Variants in PCDH15 observed in about 807,000 individuals in gnomAD.
PCDH15 encodes protocadherin related 15, also known as protocadherin-15.
PCDH15 carries 129 observed loss-of-function variants against 178.5 expected under a neutral mutation model. The observed-to-expected ratio is 0.72, with a 90% confidence interval of 0.63 to 0.84. The LOEUF is 0.84. PCDH15 is among the 40% of genes least tolerant of loss of function. The pLI, the probability that PCDH15 is intolerant of heterozygous loss-of-function variation, is 0.00. For synonymous variants in PCDH15, 800 were observed against 732.0 expected (o/e 1.09, Z -1.50); for missense variants, 2,230 against 2,099.9 (o/e 1.06, Z -1.21).
chr10:55,168,199 T>C (rs1839244299), intron 1 of PCDH15, among the ~76,000 whole-genome samples: 1 of 152,114 alleles, frequency 6.6e-6, no homozygotes, highest in African/African-American at 2.4e-5. Context: ...TGAGGTGTGA[T>C]GGGATCTTCT....
At chr10:55,055,446 G>A (rs770405769) in intron 2 of PCDH15, among the ~76,000 whole-genome samples, 26 of 152,144 alleles carry the variant, frequency 1.7e-4, no homozygotes, top group Admixed American at 2.6e-4. Flanking sequence ...ACTAGCCTTC[G>A]TATATATCCA....
chr10:55,198,531 A>G (rs113670654), intron 1 of PCDH15, among the ~76,000 whole-genome samples: 19,197 of 152,046 alleles, frequency 0.13, 1,527 homozygotes, highest in Non-Finnish European at 0.17. Context: ...CTGTCGCCCA[A>G]GCTGGAGAGC....
intron 2 of PCDH15, among the ~76,000 whole-genome samples, chr10:55,434,647 C>T (rs367954724): frequency 4.9e-4 from 74 of 151,634 alleles, no homozygotes; most frequent in African/African-American, 1.7e-3. Context: ...GCTCTGTTGC[C>T]CAGGCTGGAG....
chr10:54,061,769 G>T (rs2094018850), intron 18 of PCDH15, among the ~76,000 whole-genome samples: 1 of 151,236 alleles, frequency 6.6e-6, no homozygotes, highest in South Asian at 2.1e-4. Flanking sequence ...AAATGCACAA[G>T]GTATAATATG....
chr10:54,294,195 A>T (rs1201965767), intron 8 of PCDH15, among the ~76,000 whole-genome samples: 1 of 152,094 alleles, frequency 6.6e-6, no homozygotes, highest in African/African-American at 2.4e-5. Context: ...GGAAACCATT[A>T]TTCTCAGCAA....
chr10:54,518,677 T>G (rs566889690), intron 3 of PCDH15, among the ~76,000 whole-genome samples: 1 of 152,058 alleles, frequency 6.6e-6, no homozygotes, highest in African/African-American at 2.4e-5. Context: ...TTCCAATCAA[T>G]AGAAAAAGAG....
chr10:55,142,364 T>C (rs918882200), intron 2 of PCDH15, among the ~76,000 whole-genome samples: 6 of 151,996 alleles, frequency 3.9e-5, no homozygotes, highest in African/African-American at 1.4e-4. Flanking sequence ...GTTAACTTTA[T>C]CAAATATAGA....
At chr10:55,568,173 T>C (rs1269531650) in intron 2 of PCDH15, among the ~76,000 whole-genome samples, 1 of 151,828 alleles carries the variant, frequency 6.6e-6, no homozygotes, top group Non-Finnish European at 1.5e-5. Context: ...CTATCAAGAG[T>C]AGAACGGATA....
intron 1 of PCDH15, among the ~76,000 whole-genome samples, chr10:55,173,540 G>A (rs986920030): frequency 6.6e-6 from 1 of 151,908 alleles, no homozygotes; most frequent in Non-Finnish European, 1.5e-5. Context: ...ACATACATGT[G>A]TGGTTGAAAG....
chr10:54,858,197 A>C (rs7474541), intron 3 of PCDH15, among the ~76,000 whole-genome samples: 30,833 of 152,148 alleles, frequency 0.2, 3,241 homozygotes, highest in Non-Finnish European at 0.22. Context: ...TTTCACTAAG[A>C]ATAAAGACCT....
intron 1 of PCDH15, among the ~76,000 whole-genome samples, chr10:54,723,692 C>T (rs1371161530): frequency 6.7e-6 from 1 of 149,144 alleles, no homozygotes. Flanking sequence ...ACTCGAACAA[C>T]TCAACAAGAA....
intron 2 of PCDH15, among the ~76,000 whole-genome samples, chr10:55,091,910 G>A (rs892243931): frequency 4.6e-5 from 7 of 151,482 alleles, no homozygotes; most frequent in Non-Finnish European, 8.9e-5. Context: ...CTTACCACTA[G>A]GGGTCGGTGT....
At chr10:54,054,908 A>G (rs2093852927) in intron 18 of PCDH15, among the ~76,000 whole-genome samples, 1 of 152,138 alleles carries the variant, frequency 6.6e-6, no homozygotes, top group Admixed American at 6.5e-5. Flanking sequence ...CTTGCAGCCC[A>G]CTTAAAAAAG....
rs1270015847 is a variant in PCDH15, at chr10:53,866,870, G to A, written c.3502-13C>T. Reference sequence around the variant, plus strand: ...CTTTATCAGTAGCCTAGACGGAGGGGAAAAAAAAAGAGATTATAATTAAGC... The same window carrying A: ...CTTTATCAGTAGCCTAGACGGAGGGAAAAAAAAAAGAGATTATAATTAAGC... On this transcript the variant is annotated splice_polypyrimidine_tract_variant and intron_variant, in intron 26 of 37. Coordinates refer to ENST00000644397, the MANE Select transcript of PCDH15 (RefSeq NM_001384140.1). 14 of 1,481,388 alleles carry A rather than the reference G, an allele frequency of 9.5e-6. No individual in the cohort carries two copies. Among genetic ancestry groups the A allele is most frequent in the Admixed American group, 8.7e-5 (5 of 57,266 alleles). 91.8% of individuals were successfully genotyped at this position (1,481,388 alleles called of 1,614,324 possible).
intron 2 of PCDH15, among the ~76,000 whole-genome samples, chr10:55,417,427 T>G (rs1003916616): frequency 6.6e-6 from 1 of 151,718 alleles, no homozygotes; most frequent in African/African-American, 2.4e-5. Context: ...AAAGGAAAAG[T>G]AATATGTAAA....
At chr10:54,000,887 T>C (rs1216198876) in intron 20 of PCDH15, among the ~76,000 whole-genome samples, 1 of 152,124 alleles carries the variant, frequency 6.6e-6, no homozygotes, top group Non-Finnish European at 1.5e-5. Context: ...GCTCAAGTTA[T>C]TTAATAATCA....
At chr10:54,378,666 A>T in intron 4 of PCDH15, 116 bp downstream of exon 4, 1 of 1,155,558 alleles carries the variant, frequency 8.7e-7, no homozygotes, top group Non-Finnish European at 1.2e-6. Flanking sequence ...TGTTGTTGCT[A>T]TACTCAGGAA....
chr10:54,179,996 G>C, intron 13 of PCDH15, among the ~76,000 whole-genome samples: 1 of 152,186 alleles, frequency 6.6e-6, no homozygotes, highest in East Asian at 1.9e-4. Context: ...TATTAGTGGA[G>C]CATAGTATTT....
At chr10:54,031,662 T>C (rs908062113) in intron 18 of PCDH15, among the ~76,000 whole-genome samples, 12 of 152,096 alleles carry the variant, frequency 7.9e-5, no homozygotes, top group Admixed American at 5.3e-4. Context: ...GTTTAAGCTG[T>C]TCCAACATAA....
Sources: allele counts gnomAD v4.1 joint callset (sites outside exome capture counted in the v4.1 genomes callset), GRCh38; gene constraint gnomAD v4.1.1; transcripts MANE v1.5; gene names NCBI Gene and HGNC (gene_info 2026-07-23, HGNC 2026-07-21).